PTPRJ: variants seen among roughly 807,000 people sequenced by gnomAD.
PTPRJ encodes the protein receptor-type tyrosine-protein phosphatase eta.
PTPRJ carries 129 observed loss-of-function variants against 141.3 expected under a neutral mutation model. That is an observed-to-expected ratio of 0.91 (90% CI 0.79 to 1.06). The LOEUF (loss-of-function observed/expected upper bound fraction) is 1.06. Among genes scored for constraint, PTPRJ ranks in the 50% least tolerant of loss-of-function variants. The pLI is 0.00. For missense variants in PTPRJ, 1,601 were observed against 1,679.7 expected, an observed-to-expected ratio of 0.95 and a Z score of 0.82; for synonymous variants, 610 against 640.5, an observed-to-expected ratio of 0.95 and a Z score of 0.72.
At chr11:48,077,703 C>T (rs1335342447) in intron 1 of PTPRJ, among the ~76,000 whole-genome samples, 1 of 152,188 alleles carries the variant, frequency 6.6e-6, no homozygotes, top group Non-Finnish European at 1.5e-5. Context: ...GGGTCTTTTT[C>T]CCTGCTCCGA....
rs371209097 is a variant in PTPRJ, at chr11:48,128,193, A to G, written c.1357+150A>G. On this transcript the variant is annotated intron_variant, in intron 7 of 24. Transcript: ENST00000418331. Reference sequence around the variant, plus strand: ...TGCTTTCCTTGCACTGGCACATTGTATGCTCACAACAGCCCTGTGATGTGG... The same window carrying G: ...TGCTTTCCTTGCACTGGCACATTGTGTGCTCACAACAGCCCTGTGATGTGG... The G allele has an allele frequency of 4.2e-5, 44 of 1,046,854 alleles. No individual in the cohort carries two copies. The East Asian group carries it at 8.5e-4, about 20-fold the overall frequency. 64.8% of individuals were successfully genotyped at this position (1,046,854 alleles called of 1,614,324 possible). A position where few individuals can be genotyped will look rare whatever the true frequency, so the allele number is the denominator to read the frequency against.
intron 1 of PTPRJ, among the ~76,000 whole-genome samples, chr11:48,016,851 A>G (rs1285054619): frequency 2.0e-5 from 3 of 152,314 alleles, no homozygotes; most frequent in East Asian, 1.9e-4. Context: ...TAAACTTTAC[A>G]TACATTATCT....
At chr11:48,026,590 C>T (rs1027968432) in intron 1 of PTPRJ, among the ~76,000 whole-genome samples, 1 of 151,762 alleles carries the variant, frequency 6.6e-6, no homozygotes, top group African/African-American at 2.4e-5. Flanking sequence ...GCTGGGATTA[C>T]AGGCGCCCGC....
intron 1 of PTPRJ, among the ~76,000 whole-genome samples, chr11:47,982,239 C>CTCCTGCAGAGAACCTGGGAGTAGA (rs1267866408): frequency 1.3e-5 from 2 of 152,212 alleles, no homozygotes; most frequent in East Asian, 3.9e-4. Flanking sequence ...GCAATGTGAC[C>CTCCTGCAGAGAACCTGGGAGTAGA]TCCTGCAGAG....
Position 48,127,999 on chromosome 11 carries a change from T to C in PTPRJ, c.1313T>C (p.Leu438Pro). The C allele has an allele frequency of 6.2e-7, 1 of 1,613,926 alleles. No individual in the cohort carries two copies. The highest frequency in any genetic ancestry group is 1.7e-4 in the Middle Eastern group (1 of 6,060). Reference protein sequence around the residue: ...TFYNITVCPVLGDIEGTPGFL... With the variant: ...TFYNITVCPVPGDIEGTPGFL... ...TACAACATCACAGTGTGTCCTGTCC[T>C]AGGTGACATCGAGGGCACGCCGGGC... The change falls in exon 7 of 25, where the codon CTA becomes CCA. Residue 438 changes from leucine (L) to proline (P), a missense_variant. Leu to Pro is a moderately conservative substitution (Grantham distance 98). Transcript: ENST00000418331.
intron 3 of PTPRJ, among the ~76,000 whole-genome samples, chr11:48,114,305 A>C (rs1179205568): frequency 6.6e-6 from 1 of 151,654 alleles, no homozygotes; most frequent in Non-Finnish European, 1.5e-5. Context: ...GGGTGTGGTC[A>C]TGCATGCCTG....
chr11:48,126,823 T>TAAAC (rs71457249), intron 6 of PTPRJ, among the ~76,000 whole-genome samples: 32,632 of 140,970 alleles, frequency 0.23, 4,269 homozygotes, highest in African/African-American at 0.38. Context: ...CACACACAGA[T>TAAAC]AAACACACAT....
At chr11:48,166,576 A>G (rs1473637276) in intron 24 of PTPRJ, among the ~76,000 whole-genome samples, 2 of 151,902 alleles carry the variant, frequency 1.3e-5, no homozygotes, top group African/African-American at 2.4e-5. Flanking sequence ...GGCCTCCCCA[A>G]AGTGCTGGGA....
At chr11:48,078,732 A>G (rs1456568220) in intron 1 of PTPRJ, among the ~76,000 whole-genome samples, 1 of 152,168 alleles carries the variant, frequency 6.6e-6, no homozygotes, top group East Asian at 1.9e-4. Flanking sequence ...TGAAAAAATC[A>G]AAAGAATATA....
rs200783179 is a variant in PTPRJ, at chr11:48,022,075, T to C, written c.96+41067T>C. ...GTAAAATGGAGATAATAATAGAACC[T>C]GTGTCATTACATTATTGTGGGAATT... On this transcript the variant is annotated intron_variant, in intron 1 of 24. Coordinates refer to ENST00000418331, the MANE Select transcript of PTPRJ (RefSeq NM_002843.4). Among the ~76,000 whole-genome samples the C allele has an allele frequency of 2.0e-5, 3 of 152,302 alleles. No individual in the cohort carries two copies. In the East Asian group the frequency reaches 5.8e-4, roughly 29 times the overall value.
At chr11:48,148,029 G>T (rs1857393094) in intron 15 of PTPRJ, among the ~76,000 whole-genome samples, 1 of 152,084 alleles carries the variant, frequency 6.6e-6, no homozygotes, top group Non-Finnish European at 1.5e-5. Context: ...ATTTTTAGTA[G>T]AGACGGAGTT....
chr11:48,111,670 G>A (rs1249454354), intron 2 of PTPRJ, among the ~76,000 whole-genome samples: 2 of 152,108 alleles, frequency 1.3e-5, no homozygotes, highest in East Asian at 3.9e-4. Context: ...ATCTACCGTA[G>A]GTAGTAGAAT....
intron 1 of PTPRJ, among the ~76,000 whole-genome samples, chr11:48,011,753 C>T (rs1254709094): frequency 6.6e-6 from 1 of 152,144 alleles, no homozygotes; most frequent in African/African-American, 2.4e-5. Context: ...CTCAAACTCC[C>T]TGGCTTTAAG....
intron 8 of PTPRJ, among the ~76,000 whole-genome samples, chr11:48,133,589 C>T (rs912460520): frequency 4.6e-5 from 7 of 152,208 alleles, no homozygotes; most frequent in Admixed American, 3.9e-4. Flanking sequence ...CCATATGATC[C>T]AGTAATTCCA....
At position 48,097,827 on chromosome 11, in the gene PTPRJ, C is replaced by T. The variant is rs138789675; in HGVS notation, c.97-12231C>T. On this transcript the variant is annotated intron_variant, in intron 1 of 24. Coordinates refer to ENST00000418331, the MANE Select transcript of PTPRJ (RefSeq NM_002843.4). Reference sequence around the variant, plus strand: ...TGCTAGGATTACAGGCATGAGCCACCGCACCCGGCCTGAATTTTTTTTTGT... The same window carrying T: ...TGCTAGGATTACAGGCATGAGCCACTGCACCCGGCCTGAATTTTTTTTTGT... Among the ~76,000 whole-genome samples the T allele has an allele frequency of 1.4e-4, 21 of 152,184 alleles. No individual in the cohort carries two copies. The East Asian group carries it at 3.5e-3, about 25-fold the overall frequency.
At position 48,058,222 on chromosome 11, in the gene PTPRJ, A is replaced by C. The variant is rs188262380; in HGVS notation, c.97-51836A>C. Among the ~76,000 whole-genome samples, 6 of 152,096 alleles carry C rather than the reference A, an allele frequency of 3.9e-5. No homozygotes were observed. The East Asian group carries it at 1.2e-3, about 29-fold the overall frequency. On this transcript the variant is annotated intron_variant, in intron 1 of 24. Coordinates refer to ENST00000418331, the MANE Select transcript of PTPRJ (RefSeq NM_002843.4). ...CTACCACACCCAGCCTTTTTTTAAAACAAAACCAAAACCAAAAGAGACAGG... is the reference window on the plus strand; with the variant it reads ...CTACCACACCCAGCCTTTTTTTAAACCAAAACCAAAACCAAAAGAGACAGG...
At position 47,980,631 on chromosome 11, in the gene PTPRJ, T is replaced by C; in HGVS notation, c.-282T>C. 4 of 982,618 alleles carry C rather than the reference T, an allele frequency of 4.1e-6. No individual in the cohort carries two copies. The highest frequency in any genetic ancestry group is 4.8e-6 in the Non-Finnish European group (4 of 829,558). The allele number at this position is 982,618 out of a possible 1,614,324, so 60.9% of individuals were successfully genotyped here. A position where few individuals can be genotyped will look rare whatever the true frequency, so the allele number is the denominator to read the frequency against. On this transcript the variant is annotated 5_prime_UTR_variant, in exon 1 of 25. Coordinates refer to ENST00000418331, the MANE Select transcript of PTPRJ (RefSeq NM_002843.4). The stretch of plus-strand genomic sequence containing the variant: ...GAGCCGGGACCGGGTAGCCGCGCGC[T>C]GGGGGTGGGCGCCGCTCGCTCCGCC...
chr11:48,147,345 A>G (rs1857377042), intron 15 of PTPRJ, among the ~76,000 whole-genome samples: 1 of 152,190 alleles, frequency 6.6e-6, no homozygotes. Context: ...CTCATCTATG[A>G]TAGGAGGATA....
rs1419070629 is a variant in PTPRJ, at chr11:47,983,517, C to T, written c.96+2509C>T. Among the ~76,000 whole-genome samples the T allele has an allele frequency of 3.9e-5, 6 of 152,140 alleles. No homozygotes were observed. In the East Asian group the frequency reaches 7.7e-4, roughly 19 times the overall value. ...TGTGGAAGCTGGAAAGCTGAGATGC[C>T]GGAAGGCTCAGTGCTTAGTAGGCCC... On this transcript the variant is annotated intron_variant, in intron 1 of 24. Coordinates refer to ENST00000418331, the MANE Select transcript of PTPRJ (RefSeq NM_002843.4).
Sources: gnomAD v4.1 joint callset for allele counts (sites outside exome capture counted in the v4.1 genomes callset) on GRCh38, gnomAD v4.1.1 for gene constraint, MANE v1.5 for transcripts, NCBI Gene and HGNC (gene_info 2026-07-23, HGNC 2026-07-21) for gene names.